Variants in GBP7 observed in about 807,000 individuals in gnomAD.
GBP7 encodes guanylate-binding protein 7.
GBP7 carries 43 observed loss-of-function variants against 61.3 expected under a neutral mutation model. The observed-to-expected ratio is 0.70, with a 90% CI of 0.55 to 0.91. The LOEUF (loss-of-function observed/expected upper bound fraction) is 0.91, where lower values mean the gene tolerates loss of function less well. Ranked by LOEUF, GBP7 falls within the 40% of genes least tolerant of loss-of-function variation. The probability of loss-of-function intolerance (pLI) is 0.00; values close to 1 mark genes in which losing one functional copy is unlikely to be tolerated. For synonymous variants in GBP7, 267 were observed against 271.0 expected, an observed-to-expected ratio of 0.99 and a Z score of 0.14; for missense variants, 717 against 740.5, an observed-to-expected ratio of 0.97 and a Z score of 0.37.
intron 1 of GBP7, 30 bp from the exon 2 acceptor site, chr1:89,171,984 T>C (rs1202387710): frequency 1.3e-6 from 2 of 1,491,932 alleles, no homozygotes; most frequent in Non-Finnish European, 1.9e-6. Flanking sequence ...TGGAAAGTAA[T>C]GTCTGGTAAG....
intron 9 of GBP7, among the ~76,000 whole-genome samples, chr1:89,139,800 T>C (rs1191684835): frequency 6.6e-6 from 1 of 152,176 alleles, no homozygotes; most frequent in Non-Finnish European, 1.5e-5. Flanking sequence ...CAACAGATGC[T>C]GGAGAGGATG....
chr1:89,142,401 C>T (rs980734625), intron 8 of GBP7, among the ~76,000 whole-genome samples: 3 of 152,122 alleles, frequency 2.0e-5, no homozygotes, highest in Non-Finnish European at 4.4e-5. Flanking sequence ...TGTGTGCCAC[C>T]GCAGCTGGCT....
intron 7 of GBP7, among the ~76,000 whole-genome samples, chr1:89,148,274 A>G (rs1048900767): frequency 1.3e-5 from 2 of 152,214 alleles, no homozygotes; most frequent in Admixed American, 6.5e-5. Context: ...GGTTTTCTCA[A>G]TATGTACTAA....
intron 7 of GBP7, among the ~76,000 whole-genome samples, chr1:89,149,000 T>C (rs1682130392): frequency 6.6e-6 from 1 of 152,076 alleles, no homozygotes; most frequent in African/African-American, 2.4e-5. Context: ...TAAATACTAT[T>C]CTCTAAGTAA....
At chr1:89,165,507 A>G (rs7535986) in intron 2 of GBP7, among the ~76,000 whole-genome samples, 4 of 147,144 alleles carry the variant, frequency 2.7e-5, no homozygotes, top group Non-Finnish European at 3.0e-5. Context: ...TCTCAAAAAA[A>G]AAGAAAAAAA....
In GBP7 at chr1:89,142,081, A is replaced by T. The variant is rs970888536; in HGVS notation, c.1366-433T>A. On this transcript the variant is annotated intron_variant, in intron 8 of 10. Coordinates refer to ENST00000294671, the MANE Select transcript of GBP7 (RefSeq NM_207398.3). ...CCTCACTGGAAGCTTTTCTAGGCTA[A>T]TTATTTATTTATTTATTTACTTTTG... is the stretch of plus-strand genomic sequence containing the variant. 5.3e-5 allele frequency among the ~76,000 whole-genome samples: 8 copies of T among 152,306 alleles called. No homozygotes were observed. In the East Asian group the frequency reaches 5.8e-4, roughly 11 times the overall value.
At chr1:89,153,768 G>C (rs1468877914) in intron 3 of GBP7, among the ~76,000 whole-genome samples, 1 of 152,106 alleles carries the variant, frequency 6.6e-6, no homozygotes, top group African/African-American at 2.4e-5. Context: ...GAAGTGAGAA[G>C]GAAGGAAAAT....
At position 89,140,616 on chromosome 1, in the gene GBP7, C is replaced by T. The variant is rs371484330; in HGVS notation, c.1468+930G>A. Among the ~76,000 whole-genome samples the T allele has an allele frequency of 3.7e-4, 56 of 152,248 alleles. 6 individuals are homozygous for T. The highest frequency in any genetic ancestry group is 9.2e-4 in the Admixed American group (14 of 15,288). On this transcript the variant is annotated intron_variant, in intron 9 of 10. Transcript: ENST00000294671. ...CTGCTGGTGGGCTTGTAAATTAGTT[C>T]AGCCACTGTGGAAAGCAGTTTGGAG...
chr1:89,134,806 A>G (rs1212109641), intron 9 of GBP7, among the ~76,000 whole-genome samples: 2 of 152,198 alleles, frequency 1.3e-5, no homozygotes, highest in Non-Finnish European at 1.5e-5. Flanking sequence ...TTACCTCCAA[A>G]TGAGTCCACT....
chr1:89,147,552 C>T lies in GBP7; in HGVS notation c.1365+15G>A, dbSNP rs755755925. ...TATCCTCTGTCATCCATCCCCTTCT[C>T]CCCTTATTCCTCACCTTAACTCCTT... is the stretch of plus-strand genomic sequence containing the variant. On this transcript the variant is annotated intron_variant, in intron 8 of 10. Coordinates refer to ENST00000294671, the MANE Select transcript of GBP7 (RefSeq NM_207398.3). 1.3e-6 allele frequency: 2 copies of T among 1,597,224 alleles called. No homozygotes were observed. Among genetic ancestry groups the T allele is most frequent in the South Asian group, 1.1e-5 (1 of 90,700 alleles).
intron 9 of GBP7, among the ~76,000 whole-genome samples, chr1:89,134,632 G>A (rs1681755850): frequency 6.8e-6 from 1 of 146,560 alleles, no homozygotes; most frequent in Admixed American, 6.8e-5. Flanking sequence ...CCAGTCAGAT[G>A]AACCCAACTT....
At position 89,171,910 on chromosome 1, in the gene GBP7, C is replaced by T. The variant is rs1339266711; in HGVS notation, c.26G>A (p.Gly9Asp). MASEIHMPGPVCLTENTKG... is the reference protein window; with the variant it reads MASEIHMPDPVCLTENTKG... ...AGTGTTCTCAGTGAGGCACACTGGG[C>T]CTGGCATGTGGATCTCTGATGCCAT... is the stretch of plus-strand genomic sequence containing the variant. Residue 9 changes from glycine to aspartate, a missense_variant, in exon 2 of 11, where the codon GGC becomes GAC. Gly to Asp is a moderately conservative substitution (Grantham distance 94). Around this residue, in one of 3 missense-constraint regions of GBP7, gnomAD observed 387 missense variants for 385.2 expected, o/e 1.00. Coordinates refer to ENST00000294671, the MANE Select transcript of GBP7 (RefSeq NM_207398.3). 6.2e-7 allele frequency: 1 copy of T among 1,612,824 alleles called. No homozygotes were observed. Among genetic ancestry groups the T allele is most frequent in the East Asian group, 2.2e-5 (1 of 44,880 alleles).
At chr1:89,136,840 A>C (rs1158900089) in intron 9 of GBP7, among the ~76,000 whole-genome samples, 1 of 152,090 alleles carries the variant, frequency 6.6e-6, no homozygotes, top group Non-Finnish European at 1.5e-5. Context: ...GACAAGAAAA[A>C]CCATACAAAA....
intron 9 of GBP7, 87 bp from the exon 10 acceptor site, chr1:89,133,538 A>T (rs1408359391): frequency 9.3e-7 from 1 of 1,080,172 alleles, no homozygotes; most frequent in African/African-American, 1.6e-5. Flanking sequence ...AGTCAGGAAG[A>T]GCTTCTCCCA....
Position 89,172,101 on chromosome 1 carries a change from A to G in GBP7, c.-19-147T>C, listed in dbSNP as rs12096834. 700 of 573,970 alleles carry G rather than the reference A, an allele frequency of 1.2e-3. 5 individuals are homozygous for G. Among genetic ancestry groups the G allele is most frequent in the African/African-American group, 0.012 (619 of 53,744 alleles). The allele number at this position is 573,970 out of a possible 1,614,324, so 35.6% of individuals were successfully genotyped here. Reference sequence around the variant, plus strand: ...ACCTGTGGCCCTTTAAGGCTGTCCTATAGACTGGGCCACTGTCTGCCCTTT... The same window carrying G: ...ACCTGTGGCCCTTTAAGGCTGTCCTGTAGACTGGGCCACTGTCTGCCCTTT... On this transcript the variant is annotated intron_variant, in intron 1 of 10. Coordinates refer to ENST00000294671, the MANE Select transcript of GBP7 (RefSeq NM_207398.3).
chr1:89,165,038 G>T (rs2893089), intron 2 of GBP7, among the ~76,000 whole-genome samples, 180 bp from the exon 3 acceptor site: 31,605 of 152,030 alleles, frequency 0.21, 3,512 homozygotes, highest in East Asian at 0.38. Context: ...GAGGTACTTG[G>T]GTCCCTTATT....
chr1:89,135,916 C>T (rs886311765), intron 9 of GBP7, among the ~76,000 whole-genome samples: 5 of 152,004 alleles, frequency 3.3e-5, no homozygotes, highest in African/African-American at 1.2e-4. Flanking sequence ...GTTCAAGAGA[C>T]CAATCTCATA....
chr1:89,144,202 A>G (rs1009646873), intron 8 of GBP7, among the ~76,000 whole-genome samples: 1 of 152,176 alleles, frequency 6.6e-6, no homozygotes, highest in African/African-American at 2.4e-5. Context: ...TGCAAACGAC[A>G]TGATTTCATT....
intron 2 of GBP7, among the ~76,000 whole-genome samples, chr1:89,167,672 C>A (rs1481171050): frequency 6.6e-6 from 1 of 152,126 alleles, no homozygotes; most frequent in African/African-American, 2.4e-5. Context: ...GTAAACTGGC[C>A]ATGGATGGGC....
Sources: allele counts gnomAD v4.1 joint callset (sites outside exome capture counted in the v4.1 genomes callset), GRCh38; gene constraint gnomAD v4.1.1; regional missense constraint gnomAD v4.1.1; transcripts MANE v1.5; gene names NCBI Gene and HGNC (gene_info 2026-07-23, HGNC 2026-07-21).